The following BMPR1A variants were observed in gnomAD, a reference collection of about 807,000 sequenced individuals.
BMPR1A encodes bone morphogenetic protein receptor type 1A, also known as bone morphogenetic protein receptor type-1A.
Under a neutral mutation model 66.0 loss-of-function variants are expected in BMPR1A, and 7 were observed. That is an observed-to-expected ratio of 0.11 (90% CI 0.06 to 0.20). The LOEUF is 0.20. BMPR1A is among the 10% of genes least tolerant of loss of function. BMPR1A has a pLI of 1.00. For synonymous variants in BMPR1A, 200 were observed against 229.7 expected, an observed-to-expected ratio of 0.87 and a Z score of 1.17; for missense variants, 408 against 669.1, an observed-to-expected ratio of 0.61 and a Z score of 4.31.
intron 1 of BMPR1A, among the ~76,000 whole-genome samples, chr10:86,797,233 T>TG: frequency 7.9e-6 from 1 of 127,008 alleles, no homozygotes; most frequent in Non-Finnish European, 1.7e-5. Flanking sequence ...CCCGGCTAAT[T>TG]TTTTTTTTTT....
intron 1 of BMPR1A, among the ~76,000 whole-genome samples, chr10:86,789,566 A>G (rs1841569749): frequency 6.6e-6 from 1 of 152,000 alleles, no homozygotes; most frequent in Non-Finnish European, 1.5e-5. Flanking sequence ...TACAAAAATT[A>G]GCTGGGTGTG....
rs1054312869 is a variant in BMPR1A, at chr10:86,875,321, C to T, written c.-152-546C>T. ...CCAGGAGGTGGAGGTTGCAGTGAGT[C>T]GAGATGGTGCCATTGCACTCCAGCC... On this transcript the variant is annotated intron_variant, in intron 2 of 12. Coordinates refer to ENST00000372037, the MANE Select transcript of BMPR1A (RefSeq NM_004329.3). Among the ~76,000 whole-genome samples, 28 of 149,744 alleles carry T rather than the reference C, an allele frequency of 1.9e-4. 1 individual carries two copies. The highest frequency in any genetic ancestry group is 1.5e-4 in the Non-Finnish European group (10 of 67,584).
intron 1 of BMPR1A, among the ~76,000 whole-genome samples, chr10:86,763,175 T>G (rs573050860): frequency 2.7e-4 from 41 of 152,292 alleles, no homozygotes; most frequent in African/African-American, 9.6e-4. Context: ...ATTACAGGCA[T>G]GAGCCACTGC....
intron 1 of BMPR1A, among the ~76,000 whole-genome samples, chr10:86,805,889 A>G (rs983994361): frequency 6.7e-6 from 1 of 150,068 alleles, no homozygotes; most frequent in African/African-American, 2.4e-5. Flanking sequence ...AGTTGGCCCA[A>G]CTGAGGTGTT....
intron 7 of BMPR1A, among the ~76,000 whole-genome samples, chr10:86,904,233 A>C (rs1259264204): frequency 6.6e-6 from 1 of 152,240 alleles, no homozygotes; most frequent in East Asian, 1.9e-4. Context: ...CCATGAATCC[A>C]GATATCTGAA....
intron 1 of BMPR1A, among the ~76,000 whole-genome samples, chr10:86,837,485 G>A (rs1157375663): frequency 2.0e-5 from 3 of 152,086 alleles, no homozygotes; most frequent in Non-Finnish European, 2.9e-5. Context: ...CACACCCTTA[G>A]GGAAGAATGG....
chr10:86,926,069 A>C lies in BMPR1A; in HGVS notation c.*2350A>C, dbSNP rs1041451924. 1.3e-5 allele frequency: 2 copies of C among 156,198 alleles called. No individual in the cohort carries two copies. Among genetic ancestry groups the C allele is most frequent in the Middle Eastern group, 2.5e-3 (1 of 400 alleles). The allele number at this position is 156,198 out of a possible 1,614,324, so 9.7% of individuals were successfully genotyped here. On this transcript the variant is annotated 3_prime_UTR_variant, in exon 13 of 13. Coordinates refer to ENST00000372037, the MANE Select transcript of BMPR1A (RefSeq NM_004329.3). The stretch of plus-strand genomic sequence containing the variant: ...TTCAAATGGTGTGTGGAAGCAAAAA[A>C]TTACAGCCAGTATATGAGACCACTA...
chr10:86,765,532 C>T (rs1456801011), intron 1 of BMPR1A, among the ~76,000 whole-genome samples: 2 of 151,686 alleles, frequency 1.3e-5, no homozygotes, highest in Non-Finnish European at 2.9e-5. Flanking sequence ...CCTATGAAGC[C>T]CTCCTCAGTG....
In BMPR1A at chr10:86,923,839, G is replaced by A. The variant is rs528153826; in HGVS notation, c.*120G>A. The stretch of plus-strand genomic sequence containing the variant: ...TTCTCAGACTCTTTCTTCACTACGT[G>A]TTCACAGGCTGCTAATATTAAACCT... On this transcript the variant is annotated 3_prime_UTR_variant, in exon 13 of 13. Coordinates refer to ENST00000372037, the MANE Select transcript of BMPR1A (RefSeq NM_004329.3). 1 of 1,325,966 alleles carries A rather than the reference G, an allele frequency of 7.5e-7. No individual in the cohort carries two copies. Among genetic ancestry groups the A allele is most frequent in the East Asian group, 2.3e-5 (1 of 42,824 alleles). The allele number at this position is 1,325,966 out of a possible 1,614,324, so 82.1% of individuals were successfully genotyped here. A position where few individuals can be genotyped will look rare whatever the true frequency, so the allele number is the denominator to read the frequency against.
At chr10:86,854,061 A>G (rs1460367605) in intron 2 of BMPR1A, among the ~76,000 whole-genome samples, 1 of 152,054 alleles carries the variant, frequency 6.6e-6, no homozygotes, top group East Asian at 1.9e-4. Context: ...GCCACACCCA[A>G]GGGGACCATT....
intron 1 of BMPR1A, among the ~76,000 whole-genome samples, chr10:86,830,094 G>A (rs1842247158): frequency 6.6e-6 from 1 of 152,174 alleles, no homozygotes. Context: ...TAGCCAAGGA[G>A]CTGGTTGAGG....
chr10:86,926,197 A>G lies in BMPR1A; in HGVS notation c.*2478A>G, dbSNP rs1262875337. 1 of 162,054 alleles carries G rather than the reference A, an allele frequency of 6.2e-6. No homozygotes were observed. The highest frequency in any genetic ancestry group is 1.4e-4 in the East Asian group (1 of 7,184). The allele number at this position is 162,054 out of a possible 1,614,324, so 10.0% of individuals were successfully genotyped here. ...ATTTTCTAGTATAACATGTTCTTTA[A>G]AAAGCAAATGCTGCCGTCTTTGGAA... On this transcript the variant is annotated 3_prime_UTR_variant, in exon 13 of 13. Coordinates refer to ENST00000372037, the MANE Select transcript of BMPR1A (RefSeq NM_004329.3).
downstream of BMPR1A, chr10:86,931,298 C>CACACACACACATATATATATATAT: frequency 2.2e-5 from 2 of 90,926 alleles, no homozygotes; most frequent in Admixed American, 1.1e-4. Context: ...CACACACACA[C>CACACACACACATATATATATATAT]ATATATATAT....
intron 1 of BMPR1A, among the ~76,000 whole-genome samples, chr10:86,771,893 GTGC>G (rs1841268765): frequency 1.3e-5 from 2 of 152,012 alleles, no homozygotes; most frequent in African/African-American, 4.8e-5. Flanking sequence ...ACCTCCCAAA[GTGC>G]TGGGATTACA....
At chr10:86,803,035 C>G (rs867957510) in intron 1 of BMPR1A, among the ~76,000 whole-genome samples, 1 of 144,596 alleles carries the variant, frequency 6.9e-6, no homozygotes, top group Admixed American at 7.1e-5. Context: ...GACCCTAAGC[C>G]TTTTTTTACT....
chr10:86,827,305 A>G (rs1470641934), intron 1 of BMPR1A, among the ~76,000 whole-genome samples: 1 of 150,414 alleles, frequency 6.6e-6, no homozygotes, highest in Non-Finnish European at 1.5e-5. Context: ...TGATTTTTTT[A>G]TTTATATTAC....
At chr10:86,896,153 C>CA (rs1400872394) in intron 5 of BMPR1A, among the ~76,000 whole-genome samples, 1 of 100,822 alleles carries the variant, frequency 9.9e-6, no homozygotes, top group African/African-American at 3.7e-5. Flanking sequence ...GACTCCGTCT[C>CA]AAAAAAGAAA....
intron 7 of BMPR1A, among the ~76,000 whole-genome samples, chr10:86,911,641 T>C (rs1843487298): frequency 6.6e-6 from 1 of 152,078 alleles, no homozygotes; most frequent in East Asian, 1.9e-4. Context: ...TCCCAGCTAC[T>C]CAGGAGGCTG....
chr10:86,804,236 A>T (rs1841852845), intron 1 of BMPR1A, among the ~76,000 whole-genome samples: 4 of 152,094 alleles, frequency 2.6e-5, no homozygotes, highest in African/African-American at 9.7e-5. Flanking sequence ...GTAGTTTTGT[A>T]TCACATAGTT....
Sources: allele counts gnomAD v4.1 joint callset (sites outside exome capture counted in the v4.1 genomes callset), GRCh38; gene constraint gnomAD v4.1.1; transcripts MANE v1.5; gene names NCBI Gene and HGNC (gene_info 2026-07-23, HGNC 2026-07-21).